The following SPTBN1 variants were observed in gnomAD, a reference collection of about 807,000 sequenced individuals.
SPTBN1 encodes spectrin beta, non-erythrocytic 1.
A neutral mutation model predicts 266.4 loss-of-function variants in SPTBN1; 32 were observed. The observed-to-expected ratio is 0.12, with a 90% CI of 0.09 to 0.16. The LOEUF (loss-of-function observed/expected upper bound fraction) is 0.16, where lower values mean the gene tolerates loss of function less well. SPTBN1 is among the 10% of genes least tolerant of loss of function. The probability of loss-of-function intolerance (pLI) is 1.00; values close to 1 mark genes in which losing one functional copy is unlikely to be tolerated. For missense variants in SPTBN1, 2,296 were observed against 3,067.1 expected (o/e 0.75, Z 5.94); for synonymous variants, 1,336 against 1,162.2 (o/e 1.15, Z -3.04).
chr2:54,473,132 T>C (rs1694010395), intron 1 of SPTBN1, among the ~76,000 whole-genome samples: 1 of 152,204 alleles, frequency 6.6e-6, no homozygotes, highest in Non-Finnish European at 1.5e-5. Context: ...CTTTCCGTAT[T>C]TTACATGTAT....
chr2:54,644,227 A>T, intron 19 of SPTBN1, 96 bp from the exon 20 acceptor site: 2 of 1,471,270 alleles, frequency 1.4e-6, no homozygotes, highest in Non-Finnish European at 1.8e-6. Context: ...GTGAATGGTT[A>T]AATCACAGAT....
intron 1 of SPTBN1, among the ~76,000 whole-genome samples, chr2:54,481,429 TGTGTGTG>T (rs1668097862): frequency 1.1e-5 from 1 of 94,678 alleles, no homozygotes; most frequent in Non-Finnish European, 2.2e-5. Flanking sequence ...TGTGTGTGTG[TGTGTGTG>T]TGTGTTTTGT....
In SPTBN1 at chr2:54,621,569, C is replaced by T. The variant is rs6719237; in HGVS notation, c.876+57C>T. On this transcript the variant is annotated intron_variant, in intron 8 of 35. Coordinates refer to ENST00000356805, the MANE Select transcript of SPTBN1 (RefSeq NM_003128.3). ...ACATAATTAAGGTTAATTGAGCCCT[C>T]ATTCTCCCATGCACTCATAAAATTT... is the stretch of plus-strand genomic sequence containing the variant. 2,617 of 1,396,864 alleles carry T rather than the reference C, an allele frequency of 1.9e-3. 53 individuals carry two copies. The African/African-American group carries it at 0.033, about 18-fold the overall frequency. 86.5% of individuals were successfully genotyped at this position (1,396,864 alleles called of 1,614,324 possible). A position where few individuals can be genotyped will look rare whatever the true frequency, so the allele number is the denominator to read the frequency against.
chr2:54,549,448 T>G (rs1672441849), intron 2 of SPTBN1, among the ~76,000 whole-genome samples: 1 of 152,212 alleles, frequency 6.6e-6, no homozygotes, highest in Non-Finnish European at 1.5e-5. Flanking sequence ...GATTTTCTAT[T>G]TCGGATCCTT....
Position 54,645,765 on chromosome 2 carries a change from T to A in SPTBN1, c.4495-163T>A, listed in dbSNP as rs1186946950. 1.3e-5 allele frequency among the ~76,000 whole-genome samples: 2 copies of A among 152,322 alleles called. No individual in the cohort carries two copies. Among genetic ancestry groups the A allele is most frequent in the East Asian group, 3.9e-4 (2 of 5,188 alleles). The stretch of plus-strand genomic sequence containing the variant: ...GAGTTGGAAAGACTCTCCCTAGCCC[T>A]GTCTCGGAGAACAAGGGCGTGCTTC... On this transcript the variant is annotated intron_variant, in intron 21 of 35. Transcript: ENST00000356805. The surrounding 1 kb of genome is among the most constrained non-coding windows in gnomAD (Gnocchi z 4.3).
intron 1 of SPTBN1, among the ~76,000 whole-genome samples, chr2:54,513,697 T>G (rs1005569087): frequency 6.6e-6 from 1 of 152,224 alleles, no homozygotes; most frequent in African/African-American, 2.4e-5. Context: ...TTTCTATTTT[T>G]AAAAATAATT....
chr2:54,575,669 T>A (rs1219683201), intron 2 of SPTBN1, among the ~76,000 whole-genome samples: 2 of 152,272 alleles, frequency 1.3e-5, no homozygotes, highest in Non-Finnish European at 2.9e-5. Flanking sequence ...GCAAAGGCTC[T>A]GGATTTTTAG....
chr2:54,666,666 T>C (rs1400021928), intron 34 of SPTBN1, among the ~76,000 whole-genome samples: 1 of 152,196 alleles, frequency 6.6e-6, no homozygotes, highest in Non-Finnish European at 1.5e-5. Context: ...GGAGCTAAGC[T>C]CAGAATTTCT....
intron 2 of SPTBN1, among the ~76,000 whole-genome samples, chr2:54,590,791 A>T (rs914806918): frequency 6.6e-6 from 1 of 152,248 alleles, no homozygotes; most frequent in Non-Finnish European, 1.5e-5. Flanking sequence ...GATGAAGCTG[A>T]TGCCTTAGGA....
At chr2:54,612,427 C>A in intron 4 of SPTBN1, 93 bp downstream of exon 4, 1 of 1,365,762 alleles carries the variant, frequency 7.3e-7, no homozygotes, top group Non-Finnish European at 9.9e-7. Context: ...TCAGAGGGAT[C>A]GGGAAGACCA....
intron 4 of SPTBN1, 52 bp from the exon 5 acceptor site, chr2:54,616,155 C>G: frequency 1.3e-6 from 2 of 1,528,594 alleles, no homozygotes; most frequent in Non-Finnish European, 1.8e-6. Context: ...TTCAGTGGTT[C>G]TTTTAGGCAG....
intron 1 of SPTBN1, among the ~76,000 whole-genome samples, chr2:54,479,702 C>T (rs1668007781): frequency 6.6e-6 from 1 of 152,106 alleles, no homozygotes; most frequent in Non-Finnish European, 1.5e-5. Flanking sequence ...AGATTAAATG[C>T]AATAAAACAT....
intron 1 of SPTBN1, among the ~76,000 whole-genome samples, chr2:54,485,603 C>T (rs552732465): frequency 5.9e-5 from 9 of 152,186 alleles, no homozygotes; most frequent in African/African-American, 1.9e-4. Flanking sequence ...AGCCTCTGCC[C>T]GGCCGCCACC....
intron 10 of SPTBN1, among the ~76,000 whole-genome samples, chr2:54,623,798 G>C (rs1444742817): frequency 2.0e-5 from 3 of 152,338 alleles, no homozygotes; most frequent in Non-Finnish European, 2.9e-5. Flanking sequence ...GCTTCAGGGG[G>C]CAATGTTAGA....
At chr2:54,529,873 AAAAAAAAAAAAG>A in intron 2 of SPTBN1, 10 of 416,660 alleles carry the variant, frequency 2.4e-5, no homozygotes, top group Non-Finnish European at 3.6e-5. Flanking sequence ...AAAAAAAAAA[AAAAAAAAAAAAG>A]GTCCACTTGA....
intron 2 of SPTBN1, among the ~76,000 whole-genome samples, chr2:54,573,026 C>T (rs1674195286): frequency 1.3e-5 from 2 of 152,224 alleles, no homozygotes; most frequent in Non-Finnish European, 2.9e-5. Context: ...CCACCAGATA[C>T]TCATCTCAGC....
chr2:54,556,603 A>G (rs780227226), intron 2 of SPTBN1, among the ~76,000 whole-genome samples: 7 of 152,238 alleles, frequency 4.6e-5, no homozygotes, highest in Non-Finnish European at 1.0e-4. Flanking sequence ...CTTAGTTGTG[A>G]AAAAGGGCTT....
chr2:54,634,491 C>T (rs1678979096), intron 17 of SPTBN1, among the ~76,000 whole-genome samples: 1 of 152,114 alleles, frequency 6.6e-6, no homozygotes, highest in South Asian at 2.1e-4. Flanking sequence ...TTCCGATGAC[C>T]TGCCATCAGG....
At chr2:54,482,212 A>G (rs910336258) in intron 1 of SPTBN1, among the ~76,000 whole-genome samples, 1 of 151,984 alleles carries the variant, frequency 6.6e-6, no homozygotes, top group Non-Finnish European at 1.5e-5. Flanking sequence ...CCCTGAGGAG[A>G]CTTAAAAAAA....
Sources: allele counts gnomAD v4.1 joint callset (sites outside exome capture counted in the v4.1 genomes callset), GRCh38; gene constraint gnomAD v4.1.1; non-coding constraint Gnocchi (gnomAD v3.1); transcripts MANE v1.5; gene names NCBI Gene and HGNC (gene_info 2026-07-23, HGNC 2026-07-21).